Variants in GRHL3 observed in about 807,000 individuals in gnomAD.
GRHL3 encodes the protein grainyhead-like protein 3 homolog.
Under a neutral mutation model 70.3 loss-of-function variants are expected in GRHL3, and 20 were observed. The observed-to-expected ratio is 0.28, with a 90% CI of 0.20 to 0.41. The LOEUF (loss-of-function observed/expected upper bound fraction) is 0.41. GRHL3 is among the 10% of genes least tolerant of loss of function. The probability of loss-of-function intolerance (pLI) is 1.00; values close to 1 mark genes in which losing one functional copy is unlikely to be tolerated. For missense variants in GRHL3, 637 were observed against 762.3 expected (o/e 0.84, Z 1.94); for synonymous variants, 299 against 299.9 (o/e 1.00, Z 0.03).
chr1:24,335,652 G>A (rs940696539), intron 3 of GRHL3, among the ~76,000 whole-genome samples: 3 of 148,928 alleles, frequency 2.0e-5, no homozygotes, highest in Admixed American at 6.7e-5. Flanking sequence ...GCGCGGTCTT[G>A]GCTCACTGCA....
chr1:24,353,396 G>T (rs916261095), intron 15 of GRHL3, among the ~76,000 whole-genome samples: 1 of 152,076 alleles, frequency 6.6e-6, no homozygotes, highest in African/African-American at 2.4e-5. Flanking sequence ...GAGGATGGTG[G>T]ATGGGTGGGG....
chr1:24,346,056 G>C (rs1640267668), intron 12 of GRHL3, among the ~76,000 whole-genome samples: 1 of 152,112 alleles, frequency 6.6e-6, no homozygotes, highest in Non-Finnish European at 1.5e-5. Context: ...CCTTCTAGCT[G>C]TGAAAGTCAC....
At chr1:24,360,061 C>T (rs1242178491), downstream of GRHL3, among the ~76,000 whole-genome samples, 1 of 152,198 alleles carries the variant, frequency 6.6e-6, no homozygotes, top group Non-Finnish European at 1.5e-5. Flanking sequence ...GAACTCGCTG[C>T]GGACCTGTGG....
intron 15 of GRHL3, among the ~76,000 whole-genome samples, chr1:24,350,757 C>A (rs1292863680): frequency 1.3e-5 from 2 of 152,210 alleles, no homozygotes; most frequent in Non-Finnish European, 2.9e-5. Context: ...GCTCCACAGG[C>A]CTCCTCCATC....
intron 13 of GRHL3, among the ~76,000 whole-genome samples, chr1:24,347,111 G>GA (rs1640317354): frequency 6.6e-6 from 1 of 152,170 alleles, no homozygotes; most frequent in African/African-American, 2.4e-5. Flanking sequence ...GCCATGAATC[G>GA]AGCTTTGCGT....
chr1:24,346,733 C>T (rs962027111), intron 13 of GRHL3, 92 bp downstream of exon 13: 28 of 950,906 alleles, frequency 2.9e-5, no homozygotes, highest in African/African-American at 1.6e-4. Context: ...GGGTGGGGCA[C>T]GAGGCGCTGC....
intron 15 of GRHL3, among the ~76,000 whole-genome samples, chr1:24,362,546 C>G (rs567686639): frequency 2.0e-5 from 3 of 152,306 alleles, no homozygotes; most frequent in East Asian, 1.9e-4. Flanking sequence ...TTACAATGAA[C>G]AGAGAAAAGG....
chr1:24,343,138 A>ATAAAGGTCTTGAAACT, intron 11 of GRHL3, 113 bp downstream of exon 11: 1 of 1,244,262 alleles, frequency 8.0e-7, no homozygotes, highest in Non-Finnish European at 1.2e-6. Context: ...GCCAGTTTCA[A>ATAAAGGTCTTGAAACT]GACCTTTATT....
intron 1 of GRHL3, chr1:24,323,137 T>C: frequency 7.0e-7 from 1 of 1,428,056 alleles, no homozygotes; most frequent in Non-Finnish European, 9.7e-7. Flanking sequence ...ACATGTTATA[T>C]ATTTGTTGTA....
At chr1:24,360,764 T>A in intron 15 of GRHL3, 1 of 1,247,206 alleles carries the variant, frequency 8.0e-7, no homozygotes, top group South Asian at 1.5e-5. Flanking sequence ...GGAAACAACC[T>A]ATAAATCAAT....
intron 14 of GRHL3, 66 bp downstream of exon 14, chr1:24,347,619 C>T: frequency 8.1e-7 from 1 of 1,241,668 alleles, no homozygotes; most frequent in Non-Finnish European, 1.2e-6. Context: ...CCACTCCTCA[C>T]CACGCAGTTC....
Position 24,334,543 on chromosome 1 carries a change from A to G in GRHL3, c.205-102A>G. On this transcript the variant is annotated intron_variant, in intron 2 of 15. Transcript: ENST00000361548. This position sits in a 1 kb window ranked among gnomAD's most constrained non-coding sequence, Gnocchi z 4.3. ...GGTGGGGACACAGCCGAACCATATCACCAAAGTTACTCCCCTGCCTGGCCA... is the reference window on the plus strand; with the variant it reads ...GGTGGGGACACAGCCGAACCATATCGCCAAAGTTACTCCCCTGCCTGGCCA... The G allele has an allele frequency of 1.2e-6, 1 of 841,266 alleles. No homozygotes were observed. Among genetic ancestry groups the G allele is most frequent in the Admixed American group, 1.9e-5 (1 of 52,044 alleles). 52.1% of individuals were successfully genotyped at this position (841,266 alleles called of 1,614,324 possible).
At chr1:24,330,087 A>G (rs1167724401) in intron 1 of GRHL3, among the ~76,000 whole-genome samples, 2 of 152,252 alleles carry the variant, frequency 1.3e-5, no homozygotes, top group Non-Finnish European at 2.9e-5. Flanking sequence ...TTTTAAAATA[A>G]TGGACATATA....
chr1:24,329,819 T>C (rs1311031776), intron 1 of GRHL3, among the ~76,000 whole-genome samples: 3 of 152,222 alleles, frequency 2.0e-5, no homozygotes, highest in African/African-American at 7.2e-5. Context: ...TGGGGCTCTC[T>C]CTTCATAGCC....
rs1316861969 is a variant in GRHL3 at position 24,321,923 on chromosome 1, C to T, written c.17+2355C>T. 6.6e-6 allele frequency: 1 copy of T among 152,150 alleles called. No individual in the cohort carries two copies. Among genetic ancestry groups the T allele is most frequent in the Non-Finnish European group, 1.5e-5 (1 of 68,012 alleles). 9.4% of individuals were successfully genotyped at this position (152,150 alleles called of 1,614,324 possible). On this transcript the variant is annotated intron_variant, in intron 1 of 15. Coordinates refer to ENST00000361548, the MANE Select transcript of GRHL3 (RefSeq NM_198173.3). The surrounding 1 kb of genome is among the most constrained non-coding windows in gnomAD (Gnocchi z 4.0). ...CGGGCTACCGCAGGGCGCAAGGGAT[C>T]CTGGGCTGCGGCCGAGGGCGCCGGA...
At position 24,364,105 on chromosome 1, in the gene GRHL3, C is replaced by T. The variant is rs1192056587; in HGVS notation, c.1695-80C>T. 2.1e-6 allele frequency: 3 copies of T among 1,450,364 alleles called. No individual in the cohort carries two copies. In the Admixed American group the frequency reaches 8.1e-5, roughly 39 times the overall value. 89.8% of individuals were successfully genotyped at this position (1,450,364 alleles called of 1,614,324 possible). Reference sequence around the variant, plus strand: ...CAGTTCAGCAACTCCATGCCTTTGTCCCTGCTGTTCCTTCTGTGAGAAACA... The same window carrying T: ...CAGTTCAGCAACTCCATGCCTTTGTTCCTGCTGTTCCTTCTGTGAGAAACA... On this transcript the variant is annotated intron_variant, in intron 15 of 15. Transcript: ENST00000350501.
At chr1:24,361,414 GTAGT>G (rs1462271043) in intron 15 of GRHL3, among the ~76,000 whole-genome samples, 1 of 152,106 alleles carries the variant, frequency 6.6e-6, no homozygotes, top group African/African-American at 2.4e-5. Context: ...TGATTGATTG[GTAGT>G]GCCTGGCTGG....
chr1:24,347,362 C>A, intron 13 of GRHL3, 106 bp from the exon 14 acceptor site: 2 of 982,184 alleles, frequency 2.0e-6, no homozygotes, highest in Non-Finnish European at 1.6e-6. Context: ...GGGCAAAGAC[C>A]CGCAGCAGAA....
intron 15 of GRHL3, among the ~76,000 whole-genome samples, chr1:24,360,551 G>A (rs935268461): frequency 6.6e-6 from 1 of 152,160 alleles, no homozygotes; most frequent in Non-Finnish European, 1.5e-5. Flanking sequence ...GTCTATATGT[G>A]CCAATTCTTC....
Sources: allele counts gnomAD v4.1 joint callset (sites outside exome capture counted in the v4.1 genomes callset), GRCh38; gene constraint gnomAD v4.1.1; non-coding constraint Gnocchi (gnomAD v3.1); transcripts MANE v1.5; gene names NCBI Gene and HGNC (gene_info 2026-07-23, HGNC 2026-07-21).